The following DCAF17 variants were observed in gnomAD, a reference collection of about 807,000 sequenced individuals.
DCAF17 encodes the protein DDB1 and CUL4 associated factor 17.
DCAF17 carries 48 observed loss-of-function variants against 66.0 expected under a neutral mutation model. The ratio of observed to expected loss-of-function variants is 0.73; its 90% CI spans 0.58 to 0.92. DCAF17 has a LOEUF of 0.92. DCAF17 is among the 40% of genes least tolerant of loss of function. DCAF17 has a pLI of 0.00. For missense variants in DCAF17, 562 were observed against 622.8 expected, an observed-to-expected ratio of 0.90 and a Z score of 1.04; for synonymous variants, 206 against 214.6, an observed-to-expected ratio of 0.96 and a Z score of 0.35.
In DCAF17 at chr2:171,483,104, A is replaced by G. The variant is rs1358352436; in HGVS notation, c.*1990A>G. On this transcript the variant is annotated 3_prime_UTR_variant, in exon 14 of 14. Transcript: ENST00000375255. ...ATGGTAAAAAGATGCCAGAAGATAC[A>G]GAAGATAGCAAAGAATGTGGGGAAT... The G allele has an allele frequency of 2.2e-6, 1 of 454,132 alleles. No individual in the cohort carries two copies. Among genetic ancestry groups the G allele is most frequent in the East Asian group, 6.9e-5 (1 of 14,400 alleles). The allele number at this position is 454,132 out of a possible 1,614,324, so 28.1% of individuals were successfully genotyped here.
rs548684828 is a variant in DCAF17, at chr2:171,483,980, A to G, written c.*2866A>G. The stretch of plus-strand genomic sequence containing the variant: ...ACAACTATAATACTAGATATGTAGG[A>G]AAGTGCTTAATAATCGTTTTTTACT... On this transcript the variant is annotated 3_prime_UTR_variant, in exon 14 of 14. Coordinates refer to ENST00000375255, the MANE Select transcript of DCAF17 (RefSeq NM_025000.4). 12 of 453,942 alleles carry G rather than the reference A, an allele frequency of 2.6e-5. No homozygotes were observed. The highest frequency in any genetic ancestry group is 4.4e-5 in the Non-Finnish European group (10 of 226,772). The allele number at this position is 453,942 out of a possible 1,614,324, so 28.1% of individuals were successfully genotyped here. A position where few individuals can be genotyped will look rare whatever the true frequency, so the allele number is the denominator to read the frequency against.
In DCAF17 at chr2:171,471,701, G is replaced by A. The variant is rs981573179; in HGVS notation, c.982-2165G>A. Among the ~76,000 whole-genome samples the A allele has an allele frequency of 1.8e-4, 28 of 152,094 alleles. 1 individual carries two copies. Among genetic ancestry groups the A allele is most frequent in the Admixed American group, 1.6e-3 (24 of 15,268 alleles). On this transcript the variant is annotated intron_variant, in intron 9 of 13. Coordinates refer to ENST00000375255, the MANE Select transcript of DCAF17 (RefSeq NM_025000.4). The stretch of plus-strand genomic sequence containing the variant: ...CATTAATTGATTTGATACATAAAAT[G>A]TATTACATTCCAAAAAATTTAAAAA...
intron 8 of DCAF17, among the ~76,000 whole-genome samples, chr2:171,463,557 GT>G (rs1199375167): frequency 5.3e-5 from 8 of 152,184 alleles, no homozygotes; most frequent in Non-Finnish European, 1.0e-4. Context: ...ATGTGACAAA[GT>G]GGTTCTGTGT....
In DCAF17 at chr2:171,446,573, T is replaced by A. The variant is rs114530159; in HGVS notation, c.322-2108T>A. On this transcript the variant is annotated intron_variant, in intron 3 of 13. Transcript: ENST00000375255. ...AAGAAAAAAAAAAAATCTAGGAGAG[T>A]CAACTAAGAAAAATAATGAATCTAA... Among the ~76,000 whole-genome samples, 226 of 149,852 alleles carry A rather than the reference T, an allele frequency of 1.5e-3. 4 individuals are homozygous for A. The East Asian group carries it at 0.017, about 11-fold the overall frequency.
intron 1 of DCAF17, 39 bp downstream of exon 1, chr2:171,434,742 G>A (rs1255022860): frequency 1.4e-6 from 2 of 1,393,236 alleles, no homozygotes; most frequent in Non-Finnish European, 9.2e-7. Context: ...GAGGGCCGCG[G>A]GCGCGCGGCG....
Position 171,448,744 on chromosome 2 carries a change from T to C in DCAF17, c.385T>C (p.Trp129Arg), listed in dbSNP as rs754648178. The change falls in exon 4 of 14, where the codon TGG (tryptophan) becomes CGG (arginine). Residue 129 changes from tryptophan (W) to arginine (R), a missense_variant. Trp to Arg is a moderately radical substitution (Grantham distance 101, BLOSUM62 -3). This residue lies in a region of DCAF17 where 348 missense variants were observed against 355.9 expected (regional missense o/e 0.98). Transcript: ENST00000375255. ...SSLIALTAHN[W>R]LLRISATTGK... Reference sequence around the variant, plus strand: ...ACTCATAGCACTGACTGCTCATAATTGGCTACTTCGTATATCAGCAACTAC... The same window carrying C: ...ACTCATAGCACTGACTGCTCATAATCGGCTACTTCGTATATCAGCAACTAC... 2.5e-6 allele frequency: 4 copies of C among 1,613,572 alleles called. No homozygotes were observed. Among genetic ancestry groups the C allele is most frequent in the East Asian group, 4.5e-5 (2 of 44,824 alleles).
intron 10 of DCAF17, among the ~76,000 whole-genome samples, chr2:171,474,796 A>T (rs1384761921): frequency 2.6e-5 from 4 of 152,154 alleles, no homozygotes; most frequent in South Asian, 2.1e-4. Flanking sequence ...AATCCAGTTT[A>T]TTTTGCTACA....
intron 8 of DCAF17, among the ~76,000 whole-genome samples, chr2:171,460,988 A>G (rs1486873630): frequency 1.3e-5 from 2 of 152,238 alleles, no homozygotes; most frequent in Admixed American, 6.5e-5. Flanking sequence ...TTAGCACATT[A>G]TATTGGAAGC....
intron 3 of DCAF17, chr2:171,447,475 C>T (rs1433369794): frequency 4.8e-6 from 1 of 206,628 alleles, no homozygotes; most frequent in Non-Finnish European, 1.0e-5. Flanking sequence ...ATTCTCCTGC[C>T]TCAGCCTCCC....
rs1428308971 is a variant in DCAF17 at position 171,482,145 on chromosome 2, AAGG to A, written c.*1032_*1034del. On this transcript the variant is annotated 3_prime_UTR_variant, in exon 14 of 14. Coordinates refer to ENST00000375255, the MANE Select transcript of DCAF17 (RefSeq NM_025000.4). ...TAATCATTCTTTAGAATGTTAAATA[AAGG>A]CAACCCAAGTAAAGGGAGAAAATGT... 2.2e-6 allele frequency: 1 copy of A among 447,844 alleles called. No homozygotes were observed. The highest frequency in any genetic ancestry group is 2.0e-5 in the African/African-American group (1 of 49,634). 27.7% of individuals were successfully genotyped at this position (447,844 alleles called of 1,614,324 possible).
At chr2:171,458,284 C>A in intron 7 of DCAF17, 88 bp from the exon 8 acceptor site, 1 of 1,194,602 alleles carries the variant, frequency 8.4e-7, no homozygotes, top group Non-Finnish European at 1.2e-6. Context: ...TTTTCTTTGT[C>A]ATATACATGT....
chr2:171,466,951 T>TG (rs141305830), intron 8 of DCAF17, among the ~76,000 whole-genome samples: 32,723 of 151,814 alleles, frequency 0.22, 3,620 homozygotes, highest in South Asian at 0.29. Context: ...TCATGCCTTT[T>TG]TCCCTTTTTC....
At chr2:171,437,630 C>T (rs1694050030) in intron 2 of DCAF17, among the ~76,000 whole-genome samples, 1 of 152,140 alleles carries the variant, frequency 6.6e-6, no homozygotes, top group Admixed American at 6.5e-5. Flanking sequence ...TTATCTAATT[C>T]TCCTTGGGTA....
chr2:171,472,214 C>G (rs771163706), intron 9 of DCAF17, among the ~76,000 whole-genome samples: 6 of 152,022 alleles, frequency 3.9e-5, no homozygotes, highest in Non-Finnish European at 1.5e-5. Flanking sequence ...GGGTTTTACT[C>G]TGTTGCCCAG....
rs191310154 is a variant in DCAF17, at chr2:171,438,751, C to A, written c.230+3565C>A. Among the ~76,000 whole-genome samples, 193 of 151,864 alleles carry A rather than the reference C, an allele frequency of 1.3e-3. 2 individuals carry two copies. The highest frequency in any genetic ancestry group is 0.01 in the Middle Eastern group (3 of 292). The stretch of plus-strand genomic sequence containing the variant: ...TCTATCTGTGCCTTTTTTTTTCCCC[C>A]CCAAAGTCAGGGTCTGGCTGTGTCT... On this transcript the variant is annotated intron_variant, in intron 2 of 13. Coordinates refer to ENST00000375255, the MANE Select transcript of DCAF17 (RefSeq NM_025000.4).
intron 8 of DCAF17, among the ~76,000 whole-genome samples, chr2:171,467,018 A>G (rs1695943565): frequency 6.6e-6 from 1 of 151,904 alleles, no homozygotes; most frequent in Non-Finnish European, 1.5e-5. Context: ...TAAAGATACT[A>G]CCCTTTTCTT....
At chr2:171,447,359 T>G (rs1458314779) in intron 3 of DCAF17, 1 of 358,958 alleles carries the variant, frequency 2.8e-6, no homozygotes, top group African/African-American at 2.3e-5. Flanking sequence ...CTCTTTACTT[T>G]CTTTCTTTCT....
intron 2 of DCAF17, among the ~76,000 whole-genome samples, chr2:171,441,242 C>T (rs540037677): frequency 1.3e-5 from 2 of 152,302 alleles, no homozygotes; most frequent in African/African-American, 4.8e-5. Flanking sequence ...CTGCTTCTCC[C>T]CTCCTGCACA....
At chr2:171,464,852 C>CTA (rs148433321) in intron 8 of DCAF17, among the ~76,000 whole-genome samples, 2,343 of 151,992 alleles carry the variant, frequency 0.015, 60 homozygotes, top group African/African-American at 0.049. Context: ...CTTTATCCTA[C>CTA]TATATATATA....
Sources: gnomAD v4.1 joint callset for allele counts (sites outside exome capture counted in the v4.1 genomes callset) on GRCh38, gnomAD v4.1.1 for gene constraint, gnomAD v4.1.1 regional missense constraint, MANE v1.5 for transcripts, NCBI Gene and HGNC (gene_info 2026-07-23, HGNC 2026-07-21) for gene names.